The following RBKS variants were observed in gnomAD, a reference collection of about 807,000 sequenced individuals.
The protein encoded by RBKS is ribokinase.
A neutral mutation model predicts 33.9 loss-of-function variants in RBKS; 33 were observed. The ratio of observed to expected loss-of-function variants is 0.97; its 90% CI spans 0.74 to 1.30. The LOEUF (loss-of-function observed/expected upper bound fraction) is 1.30. RBKS is among the 50% of genes most tolerant of loss of function. The pLI, the probability that RBKS is intolerant of heterozygous loss-of-function variation, is 0.00. For missense variants in RBKS, 361 were observed against 392.6 expected, an observed-to-expected ratio of 0.92 and a Z score of 0.68; for synonymous variants, 125 against 143.0, an observed-to-expected ratio of 0.87 and a Z score of 0.90.
intron 1 of RBKS, among the ~76,000 whole-genome samples, chr2:27,884,552 C>G (rs1289484491): frequency 6.7e-6 from 1 of 148,754 alleles, no homozygotes; most frequent in Non-Finnish European, 1.5e-5. Flanking sequence ...CTGGCCATAA[C>G]TTTTTTTTTT....
chr2:27,781,903 T>A, intron 7 of RBKS, 115 bp from the exon 8 acceptor site: 1 of 945,488 alleles, frequency 1.1e-6, no homozygotes, highest in Non-Finnish European at 1.5e-6. Flanking sequence ...ACAGAAAAGG[T>A]ACAAGGATAA....
chr2:27,888,740 T>G (rs973061523), intron 1 of RBKS, among the ~76,000 whole-genome samples: 5 of 152,064 alleles, frequency 3.3e-5, no homozygotes, highest in African/African-American at 4.8e-5. Flanking sequence ...CAGGATGTTC[T>G]TGTAAGGCTT....
intron 7 of RBKS, among the ~76,000 whole-genome samples, chr2:27,805,032 A>G (rs1375959148): frequency 6.6e-6 from 1 of 151,818 alleles, no homozygotes; most frequent in Non-Finnish European, 1.5e-5. Context: ...AAAAAATCCT[A>G]TGATGTTGTT....
At chr2:27,822,889 C>A (rs1678238980) in intron 7 of RBKS, among the ~76,000 whole-genome samples, 1 of 152,198 alleles carries the variant, frequency 6.6e-6, no homozygotes, top group South Asian at 2.1e-4. Flanking sequence ...GGACTAAATT[C>A]TTGAGAGTGT....
At chr2:27,839,091 ATACTGGCTTTGCTGTCCAT>A (rs1663405033) in intron 5 of RBKS, among the ~76,000 whole-genome samples, 1 of 152,192 alleles carries the variant, frequency 6.6e-6, no homozygotes, top group African/African-American at 2.4e-5. Context: ...GACACTCAAA[ATACTGGCTTTGCTGTCCAT>A]TACTCTAGAG....
At chr2:27,851,421 C>T (rs1371276717) in intron 2 of RBKS, among the ~76,000 whole-genome samples, 1 of 152,104 alleles carries the variant, frequency 6.6e-6, no homozygotes, top group African/African-American at 2.4e-5. Context: ...ATTTGTTAGT[C>T]TAGTCTTCTT....
chr2:27,880,591 C>A (rs181993637), intron 1 of RBKS, among the ~76,000 whole-genome samples: 1 of 152,156 alleles, frequency 6.6e-6, no homozygotes, highest in East Asian at 1.9e-4. Context: ...AATCAAGATA[C>A]AAAAAATCAC....
chr2:27,886,589 T>G (rs1031391950), intron 1 of RBKS, among the ~76,000 whole-genome samples: 1 of 152,060 alleles, frequency 6.6e-6, no homozygotes, highest in South Asian at 2.1e-4. Flanking sequence ...AAGGTACGAA[T>G]TGGGGCCAGG....
In RBKS at chr2:27,847,109, A is replaced by C; in HGVS notation, c.287-5T>G. The C allele has an allele frequency of 6.5e-6, 10 of 1,547,854 alleles. No individual in the cohort carries two copies. Among genetic ancestry groups the C allele is most frequent in the Non-Finnish European group, 7.1e-6 (8 of 1,120,860 alleles). On this transcript the variant is annotated splice_polypyrimidine_tract_variant and splice_region_variant and intron_variant, in intron 3 of 7. Transcript: ENST00000302188. Reference sequence around the variant, plus strand: ...CTTTAGTCTGATATGTAAATTCTGAAAGAAAAAAGAAAATTACAATCACAT... The same window carrying C: ...CTTTAGTCTGATATGTAAATTCTGACAGAAAAAAGAAAATTACAATCACAT...
intron 7 of RBKS, among the ~76,000 whole-genome samples, chr2:27,805,766 G>A (rs1165475994): frequency 6.6e-6 from 1 of 151,880 alleles, no homozygotes; most frequent in Non-Finnish European, 1.5e-5. Flanking sequence ...GTAGAGACGG[G>A]GTTTCACCAT....
At chr2:27,820,551 CT>C (rs1678181373) in intron 7 of RBKS, among the ~76,000 whole-genome samples, 1 of 56,446 alleles carries the variant, frequency 1.8e-5, no homozygotes, top group Non-Finnish European at 2.8e-5. Flanking sequence ...ATTTACTATT[CT>C]CTCTCTCTCT....
At chr2:27,815,986 A>C (rs1678084757) in intron 7 of RBKS, among the ~76,000 whole-genome samples, 1 of 152,164 alleles carries the variant, frequency 6.6e-6, no homozygotes, top group South Asian at 2.1e-4. Context: ...TTGAGTTCTG[A>C]AGCAGGGCCA....
intron 7 of RBKS, among the ~76,000 whole-genome samples, chr2:27,786,978 C>T (rs907470306): frequency 2.0e-5 from 3 of 152,106 alleles, no homozygotes; most frequent in Non-Finnish European, 2.9e-5. Context: ...AGGGCTACAA[C>T]ATGTGTTGCT....
rs1256997034 is a variant in RBKS, at chr2:27,865,574, T to A, written c.90-7003A>T. Among the ~76,000 whole-genome samples, 3 of 140,748 alleles carry A rather than the reference T, an allele frequency of 2.1e-5. No homozygotes were observed. The South Asian group carries it at 6.9e-4, about 33-fold the overall frequency. 92.3% of individuals were successfully genotyped at this position (140,748 alleles called of 152,430 possible). Reference sequence around the variant, plus strand: ...TCTACCTTCCCTTCTCCTCCTCCTTTTTTTTTTTTTTTTTTTTTTGGTAGA... The same window carrying A: ...TCTACCTTCCCTTCTCCTCCTCCTTATTTTTTTTTTTTTTTTTTTGGTAGA... On this transcript the variant is annotated intron_variant, in intron 1 of 7. Coordinates refer to ENST00000302188, the MANE Select transcript of RBKS (RefSeq NM_022128.3).
intron 7 of RBKS, among the ~76,000 whole-genome samples, chr2:27,808,799 T>C (rs1414426879): frequency 1.3e-5 from 2 of 152,222 alleles, no homozygotes; most frequent in Admixed American, 6.5e-5. Flanking sequence ...CCAAATAATA[T>C]ACAGAACAGA....
chr2:27,811,102 T>G (rs1326074516), intron 7 of RBKS, among the ~76,000 whole-genome samples: 2 of 152,202 alleles, frequency 1.3e-5, no homozygotes, highest in Non-Finnish European at 2.9e-5. Context: ...AGCTGCTTCA[T>G]GAGCTGCTGC....
rs59698190 is a variant in RBKS at position 27,867,103 on chromosome 2, C to CAAAA, written c.90-8536_90-8533dup. Reference sequence around the variant, plus strand: ...TGAGTGACAGAGTAAGACCCTGTCTCAAAAAAAAAAAAAATGCCTTTTTGC... The same window carrying CAAAA: ...TGAGTGACAGAGTAAGACCCTGTCTCAAAAAAAAAAAAAAAAAATGCCTTTTTGC... On this transcript the variant is annotated intron_variant, in intron 1 of 7. Transcript: ENST00000302188. 9.0e-3 allele frequency among the ~76,000 whole-genome samples: 1,261 copies of CAAAA among 140,804 alleles called. 10 individuals are homozygous for CAAAA. The highest frequency in any genetic ancestry group is 0.021 in the Middle Eastern group (6 of 284). The allele number at this position is 140,804 out of a possible 152,430, so 92.4% of individuals were successfully genotyped here. A position where few individuals can be genotyped will look rare whatever the true frequency, so the allele number is the denominator to read the frequency against.
At chr2:27,846,003 C>T (rs372132056) in intron 4 of RBKS, among the ~76,000 whole-genome samples, 7 of 151,678 alleles carry the variant, frequency 4.6e-5, no homozygotes, top group Admixed American at 2.0e-4. Context: ...GCTCCGTCGT[C>T]GCCCAGGCTG....
At chr2:27,813,469 G>A (rs575009795) in intron 7 of RBKS, among the ~76,000 whole-genome samples, 11 of 152,104 alleles carry the variant, frequency 7.2e-5, no homozygotes, top group Admixed American at 3.9e-4. Context: ...TGAAAAATAC[G>A]GTTTCTAAAC....
Sources: allele counts gnomAD v4.1 joint callset (sites outside exome capture counted in the v4.1 genomes callset), GRCh38; gene constraint gnomAD v4.1.1; transcripts MANE v1.5; gene names NCBI Gene and HGNC (gene_info 2026-07-23, HGNC 2026-07-21).